Variants in SBF2 observed in about 807,000 individuals in gnomAD.
SBF2 encodes the protein SET binding factor 2.
Under a neutral mutation model 225.2 loss-of-function variants are expected in SBF2, and 112 were observed. That is an observed-to-expected ratio of 0.50 (90% CI 0.43 to 0.58). The LOEUF (loss-of-function observed/expected upper bound fraction) is 0.58. Ranked by LOEUF, SBF2 falls within the 20% of genes least tolerant of loss-of-function variation. SBF2 has a pLI of 0.00. For synonymous variants in SBF2, 763 were observed against 773.3 expected, an observed-to-expected ratio of 0.99 and a Z score of 0.22; for missense variants, 1,996 against 2,206.2, an observed-to-expected ratio of 0.90 and a Z score of 1.91.
intron 6 of SBF2, among the ~76,000 whole-genome samples, chr11:10,016,251 ACAAT>A (rs1461334329): frequency 6.6e-6 from 1 of 152,152 alleles, no homozygotes; most frequent in Non-Finnish European, 1.5e-5. Flanking sequence ...ATTAGTAAAA[ACAAT>A]CAGTTGATAT....
At chr11:10,062,377 A>G (rs1950482272) in intron 2 of SBF2, among the ~76,000 whole-genome samples, 1 of 152,214 alleles carries the variant, frequency 6.6e-6, no homozygotes, top group South Asian at 2.1e-4. Flanking sequence ...GCACAGCAAA[A>G]GAAACTATCA....
rs539887181 is a variant in SBF2, at chr11:9,995,459, A to C, written c.976-1461T>G. On this transcript the variant is annotated intron_variant, in intron 9 of 39. Transcript: ENST00000256190. ...TCACTGAATCACTACCACAGTACAA[A>C]ATATCTTAGTGTCTACAAAATAATC... Among the ~76,000 whole-genome samples, 3 of 152,300 alleles carry C rather than the reference A, an allele frequency of 2.0e-5. No homozygotes were observed. The South Asian group carries it at 6.2e-4, about 32-fold the overall frequency.
intron 1 of SBF2, among the ~76,000 whole-genome samples, chr11:10,224,469 C>A (rs1958461648): frequency 1.3e-5 from 2 of 152,156 alleles, no homozygotes; most frequent in South Asian, 4.1e-4. Context: ...AATCTAAGCT[C>A]CTTACTAAGC....
At chr11:9,939,433 T>C (rs1415025695) in intron 16 of SBF2, among the ~76,000 whole-genome samples, 1 of 152,174 alleles carries the variant, frequency 6.6e-6, no homozygotes. Flanking sequence ...ATTCAATTAA[T>C]ACTGCAGGGA....
At chr11:9,930,948 T>C (rs1410251221) in intron 16 of SBF2, among the ~76,000 whole-genome samples, 2 of 152,216 alleles carry the variant, frequency 1.3e-5, no homozygotes, top group African/African-American at 4.8e-5. Context: ...GAAGATTCTC[T>C]CCCATGCCAG....
At chr11:10,284,066 C>T (rs1347820754) in intron 1 of SBF2, among the ~76,000 whole-genome samples, 1 of 152,140 alleles carries the variant, frequency 6.6e-6, no homozygotes, top group Non-Finnish European at 1.5e-5. Context: ...TTTCTATCTT[C>T]CTTATAGCTT....
intron 1 of SBF2, among the ~76,000 whole-genome samples, chr11:10,245,351 T>C (rs936624099): frequency 6.6e-6 from 1 of 151,540 alleles, no homozygotes; most frequent in East Asian, 2.0e-4. Context: ...TTCCAGACTA[T>C]AGTGCACAAT....
intron 16 of SBF2, among the ~76,000 whole-genome samples, chr11:9,931,722 T>G (rs1268597032): frequency 1.3e-5 from 2 of 150,958 alleles, no homozygotes; most frequent in African/African-American, 4.9e-5. Flanking sequence ...GCACCTCTTC[T>G]CCTCCAAAGG....
chr11:10,172,203 G>C (rs567866499), intron 2 of SBF2, among the ~76,000 whole-genome samples: 2 of 151,746 alleles, frequency 1.3e-5, no homozygotes, highest in African/African-American at 2.4e-5. Context: ...TGCCTTTCTA[G>C]TTCTTTAAGA....
At chr11:10,204,863 T>C (rs758607149) in intron 1 of SBF2, among the ~76,000 whole-genome samples, 6 of 151,982 alleles carry the variant, frequency 3.9e-5, no homozygotes, top group Non-Finnish European at 5.9e-5. Context: ...AGGGAGTGAT[T>C]GCTAACGGAT....
At chr11:10,024,594 C>CAA in intron 6 of SBF2, among the ~76,000 whole-genome samples, 1 of 152,152 alleles carries the variant, frequency 6.6e-6, no homozygotes, top group Middle Eastern at 3.4e-3. Context: ...CCCAGACATC[C>CAA]AAACTATGTC....
intron 12 of SBF2, among the ~76,000 whole-genome samples, chr11:9,991,402 C>T (rs1287361089): frequency 6.6e-6 from 1 of 152,178 alleles, no homozygotes; most frequent in Admixed American, 6.5e-5. Flanking sequence ...AAAGATCCTT[C>T]TCCTCTGAAC....
chr11:9,800,791 C>G, intron 32 of SBF2, among the ~76,000 whole-genome samples: 1 of 152,160 alleles, frequency 6.6e-6, no homozygotes, highest in East Asian at 1.9e-4. Context: ...TCAAGTGAAC[C>G]CACCTTGGCC....
At chr11:10,181,133 G>C (rs897326803) in intron 2 of SBF2, among the ~76,000 whole-genome samples, 2 of 152,040 alleles carry the variant, frequency 1.3e-5, no homozygotes, top group East Asian at 3.9e-4. Context: ...CTAGGGCTTA[G>C]TCTATTAATT....
intron 26 of SBF2, among the ~76,000 whole-genome samples, chr11:9,833,718 C>G (rs1158884173): frequency 6.6e-6 from 1 of 150,564 alleles, no homozygotes; most frequent in Non-Finnish European, 1.5e-5. Flanking sequence ...CCGTGCCCAG[C>G]TGGTGATTTA....
intron 13 of SBF2, among the ~76,000 whole-genome samples, chr11:9,982,680 A>C (rs1947010176): frequency 6.6e-6 from 1 of 152,196 alleles, no homozygotes; most frequent in Non-Finnish European, 1.5e-5. Flanking sequence ...CAAACCAGCA[A>C]TCTGGAGAGG....
intron 1 of SBF2, among the ~76,000 whole-genome samples, chr11:10,212,123 A>G (rs768923447): frequency 2.0e-5 from 3 of 152,244 alleles, no homozygotes; most frequent in Non-Finnish European, 4.4e-5. Flanking sequence ...TCTTCCTACC[A>G]TAAAGTCCAT....
intron 2 of SBF2, among the ~76,000 whole-genome samples, chr11:10,070,036 T>A (rs1398365512): frequency 6.6e-6 from 1 of 152,162 alleles, no homozygotes. Flanking sequence ...GTTTAAGTTC[T>A]TTGTAGATTC....
intron 2 of SBF2, among the ~76,000 whole-genome samples, chr11:10,120,937 T>C (rs976994825): frequency 2.0e-5 from 3 of 152,166 alleles, no homozygotes; most frequent in African/African-American, 4.8e-5. Flanking sequence ...GCTAATTTTT[T>C]ATATTTTTGG....
Sources: allele counts gnomAD v4.1 joint callset (sites outside exome capture counted in the v4.1 genomes callset), GRCh38; gene constraint gnomAD v4.1.1; transcripts MANE v1.5; gene names NCBI Gene and HGNC (gene_info 2026-07-23, HGNC 2026-07-21).